EML1: variants seen among roughly 807,000 people sequenced by gnomAD.
EML1 encodes echinoderm microtubule-associated protein-like 1.
EML1 carries 27 observed loss-of-function variants against 110.4 expected under a neutral mutation model. The ratio of observed to expected loss-of-function variants is 0.24; its 90% CI spans 0.18 to 0.34. The LOEUF (loss-of-function observed/expected upper bound fraction) is 0.34. Among genes scored for constraint, EML1 ranks in the 10% least tolerant of loss-of-function variants. The pLI, the probability that EML1 is intolerant of heterozygous loss-of-function variation, is 1.00. For synonymous variants in EML1, 344 were observed against 385.8 expected (o/e 0.89, Z 1.27); for missense variants, 741 against 1,030.9 (o/e 0.72, Z 3.85).
chr14:99,924,399 A>G (rs1272697234), intron 17 of EML1, among the ~76,000 whole-genome samples: 1 of 152,224 alleles, frequency 6.6e-6, no homozygotes, highest in African/African-American at 2.4e-5. Context: ...GATAACAACA[A>G]ATGCTAAGTG....
At chr14:99,903,332 T>C (rs1227053321) in intron 9 of EML1, among the ~76,000 whole-genome samples, 1 of 152,198 alleles carries the variant, frequency 6.6e-6, no homozygotes, top group East Asian at 1.9e-4. Flanking sequence ...GAAAGTTTTT[T>C]CCTCTATTCT....
chr14:99,808,237 C>A (rs576364389), intron 1 of EML1, among the ~76,000 whole-genome samples: 1 of 152,206 alleles, frequency 6.6e-6, no homozygotes, highest in African/African-American at 2.4e-5. Flanking sequence ...CTTTTTCTTT[C>A]GTTTGCTTCT....
upstream of EML1, among the ~76,000 whole-genome samples, chr14:99,789,406 A>G (rs2140225799): frequency 6.6e-6 from 1 of 152,250 alleles, no homozygotes; most frequent in Non-Finnish European, 1.5e-5. Context: ...ATGGGGTTTC[A>G]CCATGTTGGC....
chr14:99,823,987 C>G (rs1444721749), intron 1 of EML1, among the ~76,000 whole-genome samples: 4 of 152,128 alleles, frequency 2.6e-5, no homozygotes, highest in Non-Finnish European at 5.9e-5. Context: ...GAGTCTCGCT[C>G]TGTCGCCAGG....
chr14:99,750,878 C>T (rs542607365), intron 1 of EML1, among the ~76,000 whole-genome samples: 7 of 152,148 alleles, frequency 4.6e-5, no homozygotes, highest in Non-Finnish European at 1.0e-4. Flanking sequence ...GCTGGGGTGG[C>T]CTGGGGGAGA....
intron 4 of EML1, among the ~76,000 whole-genome samples, chr14:99,880,086 G>A (rs1566914253): frequency 6.6e-6 from 1 of 152,092 alleles, no homozygotes; most frequent in Non-Finnish European, 1.5e-5. Context: ...TGGAAATGAG[G>A]GACTGGGAAA....
chr14:99,783,727 C>T (rs1595275643), intron 1 of EML1, among the ~76,000 whole-genome samples: 2 of 152,338 alleles, frequency 1.3e-5, no homozygotes, highest in African/African-American at 2.4e-5. Flanking sequence ...TCGTGATCTG[C>T]CCTCCTCGGC....
upstream of EML1, among the ~76,000 whole-genome samples, chr14:99,772,676 A>T (rs66546610): frequency 0.26 from 39,789 of 152,194 alleles, 5,600 homozygotes; most frequent in Non-Finnish European, 0.32. Context: ...GCTTCATACC[A>T]GAAGTGGAGC....
upstream of EML1, among the ~76,000 whole-genome samples, chr14:99,771,727 A>G (rs1487116099): frequency 6.6e-6 from 1 of 152,196 alleles, no homozygotes; most frequent in Non-Finnish European, 1.5e-5. Flanking sequence ...TGGGAGGATC[A>G]CTTGAGTCCA....
chr14:99,825,183 G>A (rs1177875567), intron 1 of EML1, among the ~76,000 whole-genome samples: 2 of 152,060 alleles, frequency 1.3e-5, no homozygotes, highest in Admixed American at 6.5e-5. Context: ...TGGGGGTCTT[G>A]CTATGTTGCC....
chr14:99,740,127 G>A (rs1366360070), intron 1 of EML1, among the ~76,000 whole-genome samples: 1 of 152,212 alleles, frequency 6.6e-6, no homozygotes, highest in Non-Finnish European at 1.5e-5. Context: ...AGGGAGATGA[G>A]GGGAGCAGAG....
At chr14:99,802,269 T>C (rs1268701800) in intron 1 of EML1, among the ~76,000 whole-genome samples, 1 of 151,914 alleles carries the variant, frequency 6.6e-6, no homozygotes, top group Non-Finnish European at 1.5e-5. Flanking sequence ...TGGGAGCGTG[T>C]TTTGGGGACA....
At position 99,914,965 on chromosome 14, in the gene EML1, G is replaced by A. The variant is rs148146276; in HGVS notation, c.1752+268G>A. On this transcript the variant is annotated intron_variant, in intron 15 of 21. Transcript: ENST00000262233. ...CTGAGTTCATTGTCAGATTTTCTGA[G>A]TACAGTCTCTCAACCATCCTAAGAG... 1.3e-3 allele frequency: 605 copies of A among 466,950 alleles called. 5 individuals carry two copies. The highest frequency in any genetic ancestry group is 0.011 in the African/African-American group (553 of 49,546). The allele number at this position is 466,950 out of a possible 1,614,324, so 28.9% of individuals were successfully genotyped here. A position where few individuals can be genotyped will look rare whatever the true frequency, so the allele number is the denominator to read the frequency against.
intron 2 of EML1, among the ~76,000 whole-genome samples, chr14:99,863,355 C>T (rs1233454452): frequency 6.6e-6 from 1 of 152,160 alleles, no homozygotes; most frequent in Non-Finnish European, 1.5e-5. Flanking sequence ...ATGGGGTTTC[C>T]CTGTCTCCTA....
chr14:99,782,293 C>T (rs556014773), intron 1 of EML1, among the ~76,000 whole-genome samples: 1 of 152,302 alleles, frequency 6.6e-6, no homozygotes, highest in South Asian at 2.1e-4. Flanking sequence ...TGACCTCAGG[C>T]CAGGCCCCTG....
chr14:99,936,194 T>C lies in EML1; in HGVS notation c.2008-53T>C. 6.2e-7 allele frequency: 1 copy of C among 1,612,688 alleles called. No individual in the cohort carries two copies. The highest frequency in any genetic ancestry group is 1.1e-5 in the South Asian group (1 of 91,064). ...ATAGTTTAACTACCGTGGAACAGTG[T>C]TGGCAGGGACTTCTAAGGCCAATGA... On this transcript the variant is annotated intron_variant, in intron 18 of 21. Transcript: ENST00000262233. The surrounding 1 kb of genome is among the most constrained non-coding windows in gnomAD (Gnocchi z 5.5).
At chr14:99,889,120 A>C (rs1477467167) in intron 4 of EML1, among the ~76,000 whole-genome samples, 1 of 152,046 alleles carries the variant, frequency 6.6e-6, no homozygotes, top group Admixed American at 6.5e-5. Flanking sequence ...GCCACCCCCG[A>C]AGGAAGGATG....
At chr14:99,742,237 T>C (rs1417332955) in intron 1 of EML1, among the ~76,000 whole-genome samples, 1 of 152,060 alleles carries the variant, frequency 6.6e-6, no homozygotes, top group African/African-American at 2.4e-5. Context: ...AGGGCATGAG[T>C]CCCTGAGGAG....
chr14:99,852,441 C>T (rs1276644306), intron 2 of EML1, among the ~76,000 whole-genome samples: 2 of 152,130 alleles, frequency 1.3e-5, no homozygotes, highest in Non-Finnish European at 2.9e-5. Flanking sequence ...ATAGTGAGAC[C>T]TCATCCCTAC....
Sources: gnomAD v4.1 joint callset for allele counts (sites outside exome capture counted in the v4.1 genomes callset) on GRCh38, gnomAD v4.1.1 for gene constraint, Gnocchi (gnomAD v3.1) non-coding constraint, MANE v1.5 for transcripts, NCBI Gene and HGNC (gene_info 2026-07-23, HGNC 2026-07-21) for gene names.